Variants in BCOR observed in about 807,000 individuals in gnomAD.
BCOR encodes BCL6 corepressor.
A neutral mutation model predicts 86.7 loss-of-function variants in BCOR; 10 were observed. The observed-to-expected ratio is 0.12, with a 90% CI of 0.07 to 0.20. The LOEUF is 0.20. BCOR is among the 10% of genes least tolerant of loss of function. The probability of loss-of-function intolerance (pLI) is 1.00; values close to 1 mark genes in which losing one functional copy is unlikely to be tolerated. For synonymous variants in BCOR, 611 were observed against 609.0 expected (o/e 1.00, Z -0.05); for missense variants, 1,259 against 1,452.1 (o/e 0.87, Z 2.16).
chrX:40,175,978 G>A (rs1480248607), intron 1 of BCOR, among the ~76,000 whole-genome samples: 1 of 112,865 alleles, frequency 8.9e-6, no homozygotes. Flanking sequence ...CTACGGGAGG[G>A]AGAGTACATT....
intron 1 of BCOR, among the ~76,000 whole-genome samples, chrX:40,082,420 G>A (rs1368632350): frequency 8.9e-6 from 1 of 111,760 alleles, no homozygotes; most frequent in Non-Finnish European, 1.9e-5. Context: ...GGCCCATCTC[G>A]GGGTCTTTTC....
At position 40,074,998 on chromosome X, in the gene BCOR, C is replaced by T. The variant is rs1178907722; in HGVS notation, c.348G>A (p.Ser116=). The change falls in exon 4 of 15, where the codon TCG becomes TCA. Residue 116 remains serine (S), a synonymous_variant. Transcript: ENST00000378444. ...TGAACTGCATCTCTGGATTTCTTTCCGAAGAAAACCCAAGGCCACCTAGAG... is the reference window on the plus strand; with the variant it reads ...TGAACTGCATCTCTGGATTTCTTTCTGAAGAAAACCCAAGGCCACCTAGAG... ...TSTLGGLGFS[S]ERNPEMQFKP... 6.6e-6 allele frequency: 8 copies of T among 1,206,662 alleles called. No homozygotes were observed. The highest frequency in any genetic ancestry group is 3.0e-5 in the East Asian group (1 of 33,725).
At chrX:40,135,178 C>A (rs1937653714) in intron 1 of BCOR, among the ~76,000 whole-genome samples, 2 of 111,093 alleles carry the variant, frequency 1.8e-5, no homozygotes, top group African/African-American at 6.6e-5. Flanking sequence ...GAAGGTGTGT[C>A]CTGCACAGCC....
At chrX:40,067,693 C>T (rs1355205847) in intron 6 of BCOR, among the ~76,000 whole-genome samples, 1 of 111,578 alleles carries the variant, frequency 9.0e-6, no homozygotes, top group African/African-American at 3.3e-5. Context: ...AGGCAAACAT[C>T]CCAATTCCCC....
intron 10 of BCOR, 43 bp downstream of exon 10, chrX:40,062,096 G>T (rs766421215): frequency 5.1e-6 from 6 of 1,172,416 alleles, no homozygotes; most frequent in Middle Eastern, 3.0e-4. Flanking sequence ...CGCAGGCCCC[G>T]CCCCCCAGCC....
intron 14 of BCOR, among the ~76,000 whole-genome samples, chrX:40,053,341 A>T (rs1934420993): frequency 1.8e-5 from 2 of 112,349 alleles, no homozygotes; most frequent in Admixed American, 9.4e-5. Flanking sequence ...ACAGCAGAGC[A>T]GTCTCTTGAC....
intron 10 of BCOR, among the ~76,000 whole-genome samples, chrX:40,058,516 T>A (rs1221244980): frequency 8.9e-6 from 1 of 111,902 alleles, no homozygotes; most frequent in African/African-American, 3.3e-5. Flanking sequence ...TAGGCAGCAT[T>A]TGAGCCACCC....
Position 40,072,775 on chromosome X carries a change from C to G in BCOR, c.2571G>C (p.Glu857Asp), listed in dbSNP as rs1935541445. 8.3e-6 allele frequency: 10 copies of G among 1,211,859 alleles called. No individual in the cohort carries two copies. Among genetic ancestry groups the G allele is most frequent in the Non-Finnish European group, 1.1e-5 (10 of 895,535 alleles). The change falls in exon 4 of 15, where the codon GAG becomes GAC. Residue 857 changes from glutamate (E) to aspartate (D), a missense_variant. By Grantham distance (45) the Glu-to-Asp change is conservative. Coordinates refer to ENST00000378444, the MANE Select transcript of BCOR (RefSeq NM_001123385.2). ...QQHRDFIALREELGRISDFHE... is the reference protein window; with the variant it reads ...QQHRDFIALRDELGRISDFHE... ...GGAAGTCACTGATGCGCCCCAACTC[C>G]TCTCTCAGGGCGATGAAATCACGGT...
rs1037383063 is a variant in BCOR at position 40,076,492 on chromosome X, G to C, written c.127C>G (p.Leu43Val). Residue 43 changes from leucine to valine, a missense_variant, in exon 3 of 15, where the codon CTG becomes GTG. Leu to Val is a conservative substitution (Grantham distance 32, BLOSUM62 1). Around this residue, in one of 7 missense-constraint regions of BCOR, gnomAD observed 174 missense variants for 189.3 expected, o/e 0.92. Coordinates refer to ENST00000378444, the MANE Select transcript of BCOR (RefSeq NM_001123385.2). ...VNDGDASKAR[L>V]ELREENPLNH... ...AAGGGATTCTCTTCCCTCAGTTCCA[G>C]TCTGGCTTTTGAAGCGTCACCATCA... The C allele has an allele frequency of 8.3e-7, 1 of 1,207,318 alleles. No homozygotes were observed. The highest frequency in any genetic ancestry group is 1.7e-5 in the African/African-American group (1 of 57,220).
intron 1 of BCOR, among the ~76,000 whole-genome samples, chrX:40,140,196 G>A (rs1937888676): frequency 1.8e-5 from 2 of 108,838 alleles, no homozygotes; most frequent in Non-Finnish European, 3.8e-5. Context: ...AGTGGCTCAC[G>A]GCTGTAATCC....
intron 1 of BCOR, among the ~76,000 whole-genome samples, chrX:40,094,299 A>C (rs1936752092): frequency 8.9e-6 from 1 of 111,904 alleles, no homozygotes; most frequent in African/African-American, 3.2e-5. Context: ...GTCTAGACCG[A>C]TCTATCACCG....
chrX:40,103,237 G>C (rs977652729), intron 1 of BCOR, among the ~76,000 whole-genome samples: 3 of 111,867 alleles, frequency 2.7e-5, no homozygotes, highest in African/African-American at 9.8e-5. Flanking sequence ...ACAGACAAAC[G>C]ACTGAGAGGG....
At chrX:40,113,150 C>G (rs1937337611) in intron 1 of BCOR, among the ~76,000 whole-genome samples, 1 of 107,171 alleles carries the variant, frequency 9.3e-6, no homozygotes. Context: ...ATCCTCCAGT[C>G]CACCCGCAAC....
At chrX:40,095,593 G>T (rs1936820707) in intron 1 of BCOR, among the ~76,000 whole-genome samples, 1 of 112,162 alleles carries the variant, frequency 8.9e-6, no homozygotes, top group African/African-American at 3.2e-5. Flanking sequence ...CGAAAAAAGG[G>T]GGGGAAAACA....
intron 1 of BCOR, among the ~76,000 whole-genome samples, chrX:40,094,360 G>A (rs1936755948): frequency 8.9e-6 from 1 of 112,692 alleles, no homozygotes; most frequent in African/African-American, 3.2e-5. Flanking sequence ...AGGTCCCCCG[G>A]CCCGCACGGT....
chrX:40,119,241 GTTGT>G (rs1937445005), intron 1 of BCOR, among the ~76,000 whole-genome samples: 1 of 103,260 alleles, frequency 9.7e-6, no homozygotes, highest in Non-Finnish European at 2.0e-5. Context: ...TAGTTTGGGT[GTTGT>G]TTTTTTTTTT....
intron 1 of BCOR, among the ~76,000 whole-genome samples, chrX:40,134,920 T>C (rs1352647859): frequency 1.8e-5 from 2 of 111,948 alleles, no homozygotes; most frequent in Non-Finnish European, 3.8e-5. Context: ...TCGGAATCAA[T>C]TGAACCAAGA....
At chrX:40,170,355 G>GTT (rs757220964) in intron 1 of BCOR, among the ~76,000 whole-genome samples, 1 of 101,426 alleles carries the variant, frequency 9.9e-6, no homozygotes, top group Non-Finnish European at 2.0e-5. Flanking sequence ...TTTGGTTTTG[G>GTT]TTTTTTTTTT....
At chrX:40,108,976 G>C (rs1000151666) in intron 1 of BCOR, among the ~76,000 whole-genome samples, 2 of 112,996 alleles carry the variant, frequency 1.8e-5, no homozygotes, top group Non-Finnish European at 3.8e-5. Flanking sequence ...GACTGGAGAC[G>C]GCTCCCGAGC....
Sources: allele counts gnomAD v4.1 joint callset (sites outside exome capture counted in the v4.1 genomes callset), GRCh38; gene constraint gnomAD v4.1.1; regional missense constraint gnomAD v4.1.1; transcripts MANE v1.5; gene names NCBI Gene and HGNC (gene_info 2026-07-23, HGNC 2026-07-21).